PAQR5: variants seen among roughly 807,000 people sequenced by gnomAD.
The protein encoded by PAQR5 is progestin and adipoQ receptor family member 5.
In PAQR5, 20 loss-of-function variants were observed where a neutral mutation model predicts 34.5. The observed-to-expected ratio is 0.58, with a 90% CI of 0.41 to 0.84. The LOEUF is 0.84. Ranked by LOEUF, PAQR5 falls within the 40% of genes least tolerant of loss-of-function variation. PAQR5 has a pLI of 0.00. For missense variants in PAQR5, 378 were observed against 412.7 expected (o/e 0.92, Z 0.73); for synonymous variants, 131 against 155.6 (o/e 0.84, Z 1.18).
intron 2 of PAQR5, among the ~76,000 whole-genome samples, chr15:69,355,300 C>CT (rs1354432215): frequency 1.4e-5 from 1 of 70,812 alleles, no homozygotes; most frequent in Non-Finnish European, 2.7e-5. Flanking sequence ...TTCTTTCTTT[C>CT]TTTCTTTCTT....
Position 69,403,880 on chromosome 15 carries a change from C to T in PAQR5, c.*58C>T, listed in dbSNP as rs781342172. ...ACATTAAGCTGCAACATCCTAACCA[C>T]CATAAGCCGGAGGTGGTTACAGCTT... On this transcript the variant is annotated 3_prime_UTR_variant, in exon 9 of 9. Coordinates refer to ENST00000395407, the MANE Select transcript of PAQR5 (RefSeq NM_017705.4). The T allele has an allele frequency of 6.3e-7, 1 of 1,580,186 alleles. No individual in the cohort carries two copies. Among genetic ancestry groups the T allele is most frequent in the South Asian group, 1.1e-5 (1 of 87,390 alleles).
At chr15:69,392,881 T>C (rs1397305576) in intron 6 of PAQR5, among the ~76,000 whole-genome samples, 2 of 151,976 alleles carry the variant, frequency 1.3e-5, no homozygotes. Flanking sequence ...GCAAGGTGTG[T>C]TAGAGCTGCC....
intron 2 of PAQR5, among the ~76,000 whole-genome samples, chr15:69,353,600 G>A (rs977746311): frequency 2.0e-5 from 3 of 152,164 alleles, no homozygotes; most frequent in Non-Finnish European, 2.9e-5. Context: ...GCTGGGGCAA[G>A]GTTGTCCAGA....
intron 2 of PAQR5, among the ~76,000 whole-genome samples, chr15:69,338,192 C>G (rs1397466692): frequency 6.6e-6 from 1 of 152,212 alleles, no homozygotes; most frequent in Non-Finnish European, 1.5e-5. Context: ...AGAAGCCCCT[C>G]CTAATGTAAC....
chr15:69,387,914 C>CA (rs397788422), intron 5 of PAQR5, among the ~76,000 whole-genome samples: 5 of 151,902 alleles, frequency 3.3e-5, no homozygotes, highest in East Asian at 1.9e-4. Context: ...GATATACCCC[C>CA]ACCATGATTC....
chr15:69,344,533 T>C (rs1045659621), intron 2 of PAQR5, among the ~76,000 whole-genome samples: 3 of 152,250 alleles, frequency 2.0e-5, no homozygotes, highest in Admixed American at 6.5e-5. Flanking sequence ...ACCAGGGGTA[T>C]GGATTAAAAC....
At chr15:69,300,996 TTTCTTTCTTTCTTTC>T (rs1192812065) in intron 1 of PAQR5, among the ~76,000 whole-genome samples, 1 of 121,234 alleles carries the variant, frequency 8.2e-6, no homozygotes, top group African/African-American at 3.1e-5. Flanking sequence ...TCTTTCTTTC[TTTCTTTCTTTCTTTC>T]TTCTTTCTTT....
chr15:69,391,930 A>G, intron 6 of PAQR5: 1 of 391,526 alleles, frequency 2.6e-6, no homozygotes, highest in Non-Finnish European at 5.1e-6. Context: ...GGTGGCAGGT[A>G]CCTGTAATCC....
intron 8 of PAQR5, 34 bp downstream of exon 8, chr15:69,400,149 T>C: frequency 3.1e-6 from 5 of 1,593,744 alleles, no homozygotes; most frequent in Non-Finnish European, 4.3e-6. Context: ...CTCTGCTCAT[T>C]GCCCTCCTGA....
At chr15:69,364,256 A>C (rs1320503155) in intron 3 of PAQR5, among the ~76,000 whole-genome samples, 1 of 152,016 alleles carries the variant, frequency 6.6e-6, no homozygotes, top group Non-Finnish European at 1.5e-5. Context: ...TCTCCAGCCC[A>C]GTGCTATTCA....
At position 69,380,003 on chromosome 15, in the gene PAQR5, C is replaced by T; in HGVS notation, c.172C>T (p.Pro58Ser). The change falls in exon 4 of 9, where the codon CCC (proline) becomes TCC (serine). Residue 58 changes from proline (P) to serine (S), a missense_variant. Pro to Ser is a moderately conservative substitution (Grantham distance 74). Transcript: ENST00000395407. ...ETLNIWTHLL[P>S]FWFFAWRFVT... Reference sequence around the variant, plus strand: ...TCTCAACATTTGGACTCACTTGCTGCCCTTCTGGTACCTTCTGGCCCCCTC... The same window carrying T: ...TCTCAACATTTGGACTCACTTGCTGTCCTTCTGGTACCTTCTGGCCCCCTC... 1 of 1,614,014 alleles carries T rather than the reference C, an allele frequency of 6.2e-7. No individual in the cohort carries two copies. Among genetic ancestry groups the T allele is most frequent in the Non-Finnish European group, 8.5e-7 (1 of 1,179,870 alleles).
intron 1 of PAQR5, among the ~76,000 whole-genome samples, chr15:69,310,479 T>C (rs1261979120): frequency 6.6e-6 from 1 of 152,198 alleles, no homozygotes; most frequent in East Asian, 1.9e-4. Flanking sequence ...TTAACCTGCA[T>C]TTTTGAATAA....
intron 1 of PAQR5, among the ~76,000 whole-genome samples, chr15:69,300,547 A>C: frequency 6.6e-6 from 1 of 151,584 alleles, no homozygotes; most frequent in Non-Finnish European, 1.5e-5. Flanking sequence ...GTACATCCTT[A>C]ATCCCGTATG....
chr15:69,357,100 A>C (rs764604871), intron 2 of PAQR5, among the ~76,000 whole-genome samples: 1 of 151,844 alleles, frequency 6.6e-6, no homozygotes, highest in African/African-American at 2.4e-5. Context: ...TTCGCCGTAC[A>C]ACTTGCCAGC....
chr15:69,328,836 G>A (rs367557886), intron 1 of PAQR5, among the ~76,000 whole-genome samples: 3 of 152,372 alleles, frequency 2.0e-5, no homozygotes, highest in African/African-American at 7.2e-5. Flanking sequence ...ACCCAAGTCA[G>A]AGGGCAAGGC....
At chr15:69,361,327 G>T (rs2055225924) in intron 3 of PAQR5, among the ~76,000 whole-genome samples, 1 of 152,204 alleles carries the variant, frequency 6.6e-6, no homozygotes, top group East Asian at 1.9e-4. Context: ...TCCTGTCCTT[G>T]CGTGACTCAT....
At chr15:69,308,246 T>C (rs1340464130) in intron 1 of PAQR5, among the ~76,000 whole-genome samples, 1 of 152,138 alleles carries the variant, frequency 6.6e-6, no homozygotes, top group East Asian at 1.9e-4. Context: ...TTGGGCACTG[T>C]GGGTAGAGAC....
At chr15:69,335,791 G>T (rs2054503288) in intron 1 of PAQR5, among the ~76,000 whole-genome samples, 2 of 152,196 alleles carry the variant, frequency 1.3e-5, no homozygotes, top group East Asian at 1.9e-4. Context: ...TTAGAAAACT[G>T]ATCTGCTGTT....
chr15:69,308,091 C>T (rs62008443), intron 1 of PAQR5, among the ~76,000 whole-genome samples: 1 of 152,186 alleles, frequency 6.6e-6, no homozygotes, highest in African/African-American at 2.4e-5. Flanking sequence ...AGGGCAAGGA[C>T]TGCCATCAGA....
Sources: allele counts gnomAD v4.1 joint callset (sites outside exome capture counted in the v4.1 genomes callset), GRCh38; gene constraint gnomAD v4.1.1; transcripts MANE v1.5; gene names NCBI Gene and HGNC (gene_info 2026-07-23, HGNC 2026-07-21).